CCND3: variants seen among roughly 807,000 people sequenced by gnomAD.
CCND3 encodes G1/S-specific cyclin-D3.
CCND3 carries 9 observed loss-of-function variants against 28.7 expected under a neutral mutation model. The observed-to-expected ratio is 0.31, with a 90% CI of 0.19 to 0.55. The LOEUF (loss-of-function observed/expected upper bound fraction) is 0.55. CCND3 is among the 20% of genes least tolerant of loss of function. The probability of loss-of-function intolerance (pLI) is 0.93; values close to 1 mark genes in which losing one functional copy is unlikely to be tolerated. For missense variants in CCND3, 315 were observed against 385.8 expected (o/e 0.82, Z 1.54); for synonymous variants, 164 against 163.9 (o/e 1.00, Z 0.00).
At chr6:42,024,181 A>G (rs955801411) in intron 1 of CCND3, among the ~76,000 whole-genome samples, 1 of 152,086 alleles carries the variant, frequency 6.6e-6, no homozygotes, top group African/African-American at 2.4e-5. Context: ...AGGCAGGTGG[A>G]TCACGAGGTC....
chr6:42,006,801 G>A (rs1361299507), intron 1 of CCND3, among the ~76,000 whole-genome samples: 6 of 151,984 alleles, frequency 3.9e-5, no homozygotes, highest in South Asian at 4.2e-4. Context: ...CCAGCTACTC[G>A]GGAGGCTGAG....
At chr6:41,985,975 C>T (rs1051807413) in intron 1 of CCND3, among the ~76,000 whole-genome samples, 6 of 151,520 alleles carry the variant, frequency 4.0e-5, no homozygotes, top group South Asian at 2.1e-4. Context: ...GATAAAGGTC[C>T]GATTTCATTC....
At chr6:41,985,876 G>A (rs1762468373) in intron 1 of CCND3, among the ~76,000 whole-genome samples, 2 of 2,642 alleles carry the variant, frequency 7.6e-4, no homozygotes, top group East Asian at 0.5. Context: ...TGATCCGCCC[G>A]CCTCGGCCTC....
At chr6:42,040,686 T>C (rs148310743) in intron 1 of CCND3, among the ~76,000 whole-genome samples, 3 of 152,076 alleles carry the variant, frequency 2.0e-5, no homozygotes, top group African/African-American at 7.2e-5. Context: ...ACCCAGTCTC[T>C]ACTGAAAATA....
chr6:41,960,510 A>G (rs1326195713), intron 1 of CCND3, among the ~76,000 whole-genome samples: 1 of 152,192 alleles, frequency 6.6e-6, no homozygotes, highest in Admixed American at 6.5e-5. Context: ...GGGGCTTTGA[A>G]GTTGACAAAC....
intron 1 of CCND3, among the ~76,000 whole-genome samples, chr6:41,976,422 TAGG>T (rs1762188489): frequency 6.6e-6 from 1 of 151,886 alleles, no homozygotes; most frequent in South Asian, 2.1e-4. Context: ...GGGCTTGAGA[TAGG>T]AGGATGGCTT....
intron 1 of CCND3, among the ~76,000 whole-genome samples, chr6:41,962,272 A>G (rs9349207): frequency 0.99 from 151,370 of 152,218 alleles, 75,267 homozygotes; most frequent in Middle Eastern, 1. Flanking sequence ...GCTAATTTTT[A>G]TATTTTTAGT....
intron 1 of CCND3, among the ~76,000 whole-genome samples, chr6:42,020,845 G>A (rs1763690193): frequency 6.6e-6 from 1 of 152,178 alleles, no homozygotes; most frequent in Non-Finnish European, 1.5e-5. Context: ...TCTGCCTTCT[G>A]GGTTCAAGTA....
intron 1 of CCND3, among the ~76,000 whole-genome samples, chr6:41,999,997 T>C (rs1762940395): frequency 1.3e-5 from 2 of 152,044 alleles, no homozygotes; most frequent in Non-Finnish European, 2.9e-5. Flanking sequence ...TTAGATGATT[T>C]CACCATAAGC....
intron 1 of CCND3, among the ~76,000 whole-genome samples, chr6:41,952,811 A>AGTGTGTGTGTGTGT (rs58133117): frequency 2.0e-5 from 3 of 150,724 alleles, no homozygotes; most frequent in African/African-American, 7.3e-5. Flanking sequence ...AGTGAGTGTG[A>AGTGTGTGTGTGTGT]GTGTGTGTGT....
Position 42,009,100 on chromosome 6 carries a change from A to C in CCND3, c.-46+39401T>G, listed in dbSNP as rs116614575. On this transcript the variant is annotated intron_variant, in intron 1 of 4. Coordinates refer to the CCND3 transcript ENST00000372988. ...GGGTTGTGATTAGAGCCTGAGTGAT[A>C]AGGGTCACTACTGGGGGCTCAACTT... 4.7e-3 allele frequency among the ~76,000 whole-genome samples: 713 copies of C among 152,304 alleles called. 14 individuals are homozygous for C. The highest frequency in any genetic ancestry group is 0.016 in the African/African-American group (668 of 41,574).
chr6:41,947,229 A>G (rs528942892), intron 1 of CCND3, among the ~76,000 whole-genome samples: 22 of 152,166 alleles, frequency 1.4e-4, no homozygotes, highest in African/African-American at 4.3e-4. Context: ...TCAAAAAAAA[A>G]AAAAGAAAAG....
chr6:42,032,603 G>A (rs1339284186), intron 1 of CCND3, among the ~76,000 whole-genome samples: 2 of 152,254 alleles, frequency 1.3e-5, no homozygotes, highest in Non-Finnish European at 2.9e-5. Context: ...CTCACAGTGA[G>A]GTATCTTTTT....
intron 1 of CCND3, among the ~76,000 whole-genome samples, chr6:41,966,847 C>T (rs1208171263): frequency 6.6e-6 from 1 of 152,162 alleles, no homozygotes; most frequent in Non-Finnish European, 1.5e-5. Context: ...ACCCCTTAAG[C>T]CCTCTACAGC....
At chr6:41,997,990 A>T (rs1694547125) in intron 1 of CCND3, among the ~76,000 whole-genome samples, 1 of 151,790 alleles carries the variant, frequency 6.6e-6, no homozygotes. Context: ...AAAAAAAAAA[A>T]AAAAAAATTA....
chr6:42,028,971 G>GTTT (rs796486498), intron 1 of CCND3, among the ~76,000 whole-genome samples: 4,111 of 137,712 alleles, frequency 0.03, 121 homozygotes, highest in East Asian at 0.1. Flanking sequence ...CCTTGAAACG[G>GTTT]TTTTTTTTTT....
At position 41,978,371 on chromosome 6, in the gene CCND3, C is replaced by CAAA. The variant is rs575675626; in HGVS notation, c.-45-37789_-45-37787dup. Among the ~76,000 whole-genome samples, 568 of 128,146 alleles carry CAAA rather than the reference C, an allele frequency of 4.4e-3. 2 individuals are homozygous for CAAA. The highest frequency in any genetic ancestry group is 0.014 in the African/African-American group (483 of 33,908). The allele number at this position is 128,146 out of a possible 152,430, so 84.1% of individuals were successfully genotyped here. A position where few individuals can be genotyped will look rare whatever the true frequency, so the allele number is the denominator to read the frequency against. On this transcript the variant is annotated intron_variant, in intron 1 of 4. Transcript: ENST00000372988. ...TGGGCAACAGAGCGAGACTCCATCT[C>CAAA]AAAAAAAAAAAAAAATTAGCCAGGC...
intron 1 of CCND3, among the ~76,000 whole-genome samples, chr6:41,993,000 C>G (rs1435440682): frequency 6.6e-6 from 1 of 152,142 alleles, no homozygotes; most frequent in African/African-American, 2.4e-5. Flanking sequence ...CCTTGAACTC[C>G]TGGGCTCAGG....
Position 41,941,191 on chromosome 6 carries a change from C to T in CCND3, c.198+261G>A, listed in dbSNP as rs557814853. 1 of 1,441,458 alleles carries T rather than the reference C, an allele frequency of 6.9e-7. No homozygotes were observed. The highest frequency in any genetic ancestry group is 2.8e-5 in the Admixed American group (1 of 35,172). The allele number at this position is 1,441,458 out of a possible 1,614,324, so 89.3% of individuals were successfully genotyped here. A position where few individuals can be genotyped will look rare whatever the true frequency, so the allele number is the denominator to read the frequency against. ...GAGAAGCCGAAGGGGAGAGAGTGTC[C>T]TTGGTCCCGTTTGCTCGGCCCGAAG... On this transcript the variant is annotated intron_variant, in intron 1 of 4. Coordinates refer to ENST00000372991, the MANE Select transcript of CCND3 (RefSeq NM_001760.5). The surrounding 1 kb of genome is among the most constrained non-coding windows in gnomAD (Gnocchi z 6.1).
Sources: gnomAD v4.1 joint callset for allele counts (sites outside exome capture counted in the v4.1 genomes callset) on GRCh38, gnomAD v4.1.1 for gene constraint, Gnocchi (gnomAD v3.1) non-coding constraint, MANE v1.5 for transcripts, NCBI Gene and HGNC (gene_info 2026-07-23, HGNC 2026-07-21) for gene names.